Variants in CYYR1 observed in about 807,000 individuals in gnomAD.
CYYR1 encodes the protein cysteine and tyrosine rich 1, also known as cysteine and tyrosine-rich protein 1.
In CYYR1, 14 loss-of-function variants were observed where a neutral mutation model predicts 15.2. The observed-to-expected ratio is 0.92, with a 90% CI of 0.61 to 1.44. The LOEUF (loss-of-function observed/expected upper bound fraction) is 1.44. Among genes scored for constraint, CYYR1 ranks in the 40% most tolerant of loss-of-function variants. The pLI is 0.00. For missense variants in CYYR1, 228 were observed against 209.5 expected (o/e 1.09, Z -0.54); for synonymous variants, 80 against 77.4 (o/e 1.03, Z -0.18).
At chr21:26,537,601 G>C (rs928253808) in intron 2 of CYYR1, among the ~76,000 whole-genome samples, 2 of 152,098 alleles carry the variant, frequency 1.3e-5, no homozygotes, top group Admixed American at 6.6e-5. Flanking sequence ...CTTCTCTCTA[G>C]AAGTGTTGCA....
intron 2 of CYYR1, among the ~76,000 whole-genome samples, chr21:26,487,931 AT>A (rs896829261): frequency 7.2e-6 from 1 of 138,448 alleles, no homozygotes; most frequent in Non-Finnish European, 1.6e-5. Flanking sequence ...AAAAAAAAAA[AT>A]CTGTAAAATC....
chr21:26,566,277 C>T lies in CYYR1; in HGVS notation c.165G>A (p.Gly55=), dbSNP rs561293182. Residue 55 remains glycine (G), a synonymous_variant, in exon 2 of 4, where the codon GGG becomes GGA. Coordinates refer to ENST00000652641, the MANE Select transcript of CYYR1 (RefSeq NM_001320768.2). ...PYCCSYYAYI[G]NILSGTAIAG... The stretch of plus-strand genomic sequence containing the variant: ...TGACGAATACTCACGAGAGGATATT[C>T]CCAATATAAGCGTAGTAGGAGCAAC... The T allele has an allele frequency of 1.2e-5, 20 of 1,612,788 alleles. No homozygotes were observed. Among genetic ancestry groups the T allele is most frequent in the Non-Finnish European group, 1.6e-5 (19 of 1,179,092 alleles).
At chr21:26,488,095 T>A (rs968687702) in intron 2 of CYYR1, among the ~76,000 whole-genome samples, 5 of 150,140 alleles carry the variant, frequency 3.3e-5, no homozygotes, top group Non-Finnish European at 7.4e-5. Context: ...TGGAAACTAA[T>A]ATCTCTTTGA....
chr21:26,473,768 T>C (rs902713688), intron 3 of CYYR1, among the ~76,000 whole-genome samples: 2 of 152,150 alleles, frequency 1.3e-5, no homozygotes, highest in Admixed American at 1.3e-4. Flanking sequence ...GAATAATGCA[T>C]GAGATGGTTA....
Position 26,549,373 on chromosome 21 carries a change from G to T in CYYR1, c.176+16893C>A, listed in dbSNP as rs144225042. On this transcript the variant is annotated intron_variant, in intron 2 of 3. Coordinates refer to ENST00000652641, the MANE Select transcript of CYYR1 (RefSeq NM_001320768.2). The stretch of plus-strand genomic sequence containing the variant: ...ATGTATGAACATGGTTGGGAAGCCT[G>T]CCAGTGATTAAAGAGTGTTCATTTT... 8.5e-5 allele frequency among the ~76,000 whole-genome samples: 13 copies of T among 152,288 alleles called. No homozygotes were observed. In the East Asian group the frequency reaches 2.5e-3, roughly 29 times the overall value.
At chr21:26,509,186 C>T (rs1429269529) in intron 2 of CYYR1, among the ~76,000 whole-genome samples, 1 of 152,156 alleles carries the variant, frequency 6.6e-6, no homozygotes, top group Non-Finnish European at 1.5e-5. Context: ...GCTCTTTACA[C>T]TCCTCCCTCT....
chr21:26,497,330 G>A (rs906164861), intron 2 of CYYR1, among the ~76,000 whole-genome samples: 3 of 152,078 alleles, frequency 2.0e-5, no homozygotes, highest in East Asian at 1.9e-4. Flanking sequence ...TTCAAAGATC[G>A]TTTCATCAAT....
At chr21:26,503,399 T>C (rs1010768556) in intron 2 of CYYR1, among the ~76,000 whole-genome samples, 5 of 152,246 alleles carry the variant, frequency 3.3e-5, no homozygotes, top group Admixed American at 3.3e-4. Flanking sequence ...TGGTAAAAAA[T>C]TAAAGTATTG....
intron 3 of CYYR1, chr21:26,471,809 C>T (rs957243900): frequency 6.6e-6 from 1 of 152,088 alleles, no homozygotes; most frequent in African/African-American, 2.4e-5. Flanking sequence ...AGATACGTGC[C>T]TTTGAAATCC....
chr21:26,491,662 T>C (rs1294374739), intron 2 of CYYR1, among the ~76,000 whole-genome samples: 1 of 152,180 alleles, frequency 6.6e-6, no homozygotes. Context: ...ATATTGGAGA[T>C]TGTAAACCTT....
At chr21:26,480,934 A>AT (rs983974398) in intron 2 of CYYR1, among the ~76,000 whole-genome samples, 2 of 152,166 alleles carry the variant, frequency 1.3e-5, no homozygotes, top group Non-Finnish European at 2.9e-5. Flanking sequence ...AAGAAAACCA[A>AT]ACCAAACTTC....
chr21:26,573,155 C>G lies in CYYR1; in HGVS notation c.-215G>C. The G allele has an allele frequency of 2.0e-6, 3 of 1,487,642 alleles. No individual in the cohort carries two copies. 92.2% of individuals were successfully genotyped at this position (1,487,642 alleles called of 1,614,324 possible). On this transcript the variant is annotated 5_prime_UTR_variant, in exon 1 of 4. Transcript: ENST00000652641. ...TCCGCGGAGCTGGGGCGCCCGTGGC[C>G]CGAGACGGGCTGCGCTGGGGGCCCA...
At chr21:26,496,537 AAC>A (rs1229233762) in intron 2 of CYYR1, among the ~76,000 whole-genome samples, 2 of 152,270 alleles carry the variant, frequency 1.3e-5, no homozygotes, top group Non-Finnish European at 2.9e-5. Flanking sequence ...ATGAATATTT[AAC>A]ATAGAATCAT....
intron 2 of CYYR1, among the ~76,000 whole-genome samples, chr21:26,505,134 CAT>C (rs879502630): frequency 2.0e-5 from 3 of 152,190 alleles, no homozygotes; most frequent in Admixed American, 6.5e-5. Context: ...TGAATTAAAA[CAT>C]AGCTCAGAGA....
At chr21:26,545,292 A>C (rs1008706927) in intron 2 of CYYR1, among the ~76,000 whole-genome samples, 3 of 117,986 alleles carry the variant, frequency 2.5e-5, no homozygotes. Context: ...AATTGTTCTA[A>C]ATATTCACGT....
Position 26,515,686 on chromosome 21 carries a change from C to T in CYYR1, c.177-35257G>A, listed in dbSNP as rs2065718653. Among the ~76,000 whole-genome samples the T allele has an allele frequency of 2.6e-5, 4 of 152,108 alleles. No homozygotes were observed. In the South Asian group the frequency reaches 6.2e-4, roughly 24 times the overall value. On this transcript the variant is annotated intron_variant, in intron 2 of 3. Transcript: ENST00000652641. ...CATGGAGCATTGATATGGTTCTATG[C>T]TTGATCTGAAATAATACTAAAAACT...
chr21:26,519,724 A>G (rs1043463113), intron 2 of CYYR1, among the ~76,000 whole-genome samples: 4 of 152,202 alleles, frequency 2.6e-5, no homozygotes, highest in Non-Finnish European at 4.4e-5. Context: ...AGATATTAAA[A>G]AGAAACAACA....
intron 2 of CYYR1, among the ~76,000 whole-genome samples, chr21:26,496,055 G>A (rs1164658172): frequency 6.6e-6 from 1 of 152,186 alleles, no homozygotes; most frequent in Non-Finnish European, 1.5e-5. Flanking sequence ...CTCAACTCTG[G>A]CTTCAAGTTA....
At chr21:26,535,564 T>C (rs572463715) in intron 2 of CYYR1, among the ~76,000 whole-genome samples, 21 of 152,352 alleles carry the variant, frequency 1.4e-4, no homozygotes, top group African/African-American at 4.6e-4. Flanking sequence ...TTTTTATTAA[T>C]ACCTAGCCTA....
Sources: gnomAD v4.1 joint callset for allele counts (sites outside exome capture counted in the v4.1 genomes callset) on GRCh38, gnomAD v4.1.1 for gene constraint, MANE v1.5 for transcripts, NCBI Gene and HGNC (gene_info 2026-07-23, HGNC 2026-07-21) for gene names.